The following RORB variants were observed in gnomAD, a reference collection of about 807,000 sequenced individuals.
RORB encodes nuclear receptor ROR-beta.
Under a neutral mutation model 59.1 loss-of-function variants are expected in RORB, and 6 were observed. The observed-to-expected ratio is 0.10, with a 90% CI of 0.06 to 0.20. The LOEUF (loss-of-function observed/expected upper bound fraction) is 0.20. RORB is among the 10% of genes least tolerant of loss of function. RORB has a pLI of 1.00. For missense variants in RORB, 320 were observed against 560.5 expected (o/e 0.57, Z 4.33); for synonymous variants, 215 against 204.5 (o/e 1.05, Z -0.44).
intron 1 of RORB, among the ~76,000 whole-genome samples, chr9:74,592,336 TG>T (rs1200905625): frequency 6.6e-6 from 1 of 152,184 alleles, no homozygotes; most frequent in Non-Finnish European, 1.5e-5. Flanking sequence ...CTTATAAAAG[TG>T]ATTTTTACAT....
intron 1 of RORB, among the ~76,000 whole-genome samples, chr9:74,601,127 T>C (rs1324098233): frequency 2.0e-5 from 3 of 152,016 alleles, no homozygotes; most frequent in African/African-American, 4.8e-5. Context: ...ACTTTTGAAA[T>C]AATTATACTC....
At chr9:74,629,851 T>C (rs1002870924) in intron 1 of RORB, among the ~76,000 whole-genome samples, 2 of 152,200 alleles carry the variant, frequency 1.3e-5, no homozygotes, top group Non-Finnish European at 2.9e-5. Flanking sequence ...CCCAGAGTTT[T>C]GCTTTATTTA....
At chr9:74,568,699 C>CAA (rs34771605) in intron 1 of RORB, among the ~76,000 whole-genome samples, 1,680 of 107,224 alleles carry the variant, frequency 0.016, 23 homozygotes, top group Admixed American at 0.041. Flanking sequence ...GACTCCATCT[C>CAA]AAAAAAAAAA....
At chr9:74,667,744 A>G in intron 7 of RORB, 47 bp from the exon 8 acceptor site, 1 of 1,186,606 alleles carries the variant, frequency 8.4e-7, no homozygotes, top group Non-Finnish European at 1.3e-6. Flanking sequence ...CTCTTGCCCC[A>G]TTTCAAGTTC....
intron 8 of RORB, 30 bp downstream of exon 8, chr9:74,667,931 TA>T (rs767776993): frequency 2.8e-6 from 4 of 1,413,226 alleles, no homozygotes; most frequent in Non-Finnish European, 3.0e-6. Context: ...CTTACCTTTT[TA>T]AAAAACTTGT....
intron 1 of RORB, among the ~76,000 whole-genome samples, chr9:74,560,198 G>A (rs1436270196): frequency 6.6e-6 from 1 of 152,144 alleles, no homozygotes; most frequent in African/African-American, 2.4e-5. Flanking sequence ...ATCTCTAGAA[G>A]CATCCTTTGG....
At chr9:74,541,321 GAACC>G (rs1826404842) in intron 1 of RORB, among the ~76,000 whole-genome samples, 1 of 128,386 alleles carries the variant, frequency 7.8e-6, no homozygotes, top group Non-Finnish European at 1.6e-5. Flanking sequence ...AGGCTTTTGA[GAACC>G]AACCAACCAA....
chr9:74,618,669 T>A (rs1036968223), intron 1 of RORB, among the ~76,000 whole-genome samples: 1 of 152,122 alleles, frequency 6.6e-6, no homozygotes, highest in Non-Finnish European at 1.5e-5. Flanking sequence ...CTCTACTGCG[T>A]CTATCAATGA....
intron 1 of RORB, among the ~76,000 whole-genome samples, chr9:74,554,883 T>C (rs1488785204): frequency 6.6e-6 from 1 of 152,144 alleles, no homozygotes; most frequent in Admixed American, 6.5e-5. Flanking sequence ...TTTCTATAGT[T>C]GTAAATATAG....
At chr9:74,499,596 T>A (rs1298318758) in intron 1 of RORB, among the ~76,000 whole-genome samples, 2 of 152,168 alleles carry the variant, frequency 1.3e-5, no homozygotes, top group African/African-American at 2.4e-5. Flanking sequence ...TCCAGCTGAT[T>A]GTCCCGGTTG....
intron 1 of RORB, chr9:74,498,203 G>C: frequency 1.7e-6 from 1 of 605,376 alleles, no homozygotes; most frequent in African/African-American, 1.8e-5. Flanking sequence ...GCGGGAGGGC[G>C]CTTTTTTGGA....
chr9:74,674,152 G>T (rs1248545085), intron 9 of RORB, among the ~76,000 whole-genome samples: 1 of 152,060 alleles, frequency 6.6e-6, no homozygotes, highest in Non-Finnish European at 1.5e-5. Context: ...TTCCCCAAAA[G>T]GAATATTTTA....
Position 74,679,439 on chromosome 9 carries a change from T to C in RORB, c.1225-6024T>C, listed in dbSNP as rs149901119. ...TCAGGCTTCCTCCCAACAGTAAATA[T>C]ACTTTAAACTAATGCAAGAATAGGC... On this transcript the variant is annotated intron_variant, in intron 9 of 9. Coordinates refer to ENST00000376896, the MANE Select transcript of RORB (RefSeq NM_006914.4). Among the ~76,000 whole-genome samples, 750 of 152,250 alleles carry C rather than the reference T, an allele frequency of 4.9e-3. 5 individuals carry two copies. Among genetic ancestry groups the C allele is most frequent in the African/African-American group, 0.017 (722 of 41,538 alleles).
intron 1 of RORB, among the ~76,000 whole-genome samples, chr9:74,513,592 T>A (rs1036989840): frequency 1.3e-5 from 2 of 152,054 alleles, no homozygotes; most frequent in African/African-American, 4.8e-5. Context: ...ATACTTACTT[T>A]TTTTTGGAGA....
chr9:74,521,727 G>A (rs1446346820), intron 1 of RORB, among the ~76,000 whole-genome samples: 1 of 151,790 alleles, frequency 6.6e-6, no homozygotes, highest in East Asian at 1.9e-4. Context: ...GATTGTCACA[G>A]GTTAATTTTT....
chr9:74,613,694 T>C (rs1823267747), intron 1 of RORB, among the ~76,000 whole-genome samples: 1 of 152,120 alleles, frequency 6.6e-6, no homozygotes, highest in Non-Finnish European at 1.5e-5. Context: ...CCAAAAATAA[T>C]CTTGAATGGA....
At chr9:74,648,702 G>T (rs963000008) in intron 4 of RORB, among the ~76,000 whole-genome samples, 34 of 152,186 alleles carry the variant, frequency 2.2e-4, no homozygotes, top group African/African-American at 8.2e-4. Context: ...TCTTCTCTCC[G>T]TCCATCCTCC....
intron 1 of RORB, among the ~76,000 whole-genome samples, chr9:74,613,232 T>C (rs191275501): frequency 3.4e-4 from 52 of 152,342 alleles, no homozygotes; most frequent in Non-Finnish European, 2.9e-5. Flanking sequence ...CTTTTATGAC[T>C]TAATGAGTGT....
At chr9:74,502,318 C>T (rs1399515434) in intron 1 of RORB, among the ~76,000 whole-genome samples, 1 of 151,740 alleles carries the variant, frequency 6.6e-6, no homozygotes, top group Admixed American at 6.6e-5. Flanking sequence ...TACTTTTTTC[C>T]CCCAAAAGTA....
Sources: allele counts gnomAD v4.1 joint callset (sites outside exome capture counted in the v4.1 genomes callset), GRCh38; gene constraint gnomAD v4.1.1; transcripts MANE v1.5; gene names NCBI Gene and HGNC (gene_info 2026-07-23, HGNC 2026-07-21).